The following HNRNPA3 variants were observed in gnomAD, a reference collection of about 807,000 sequenced individuals.
HNRNPA3 encodes heterogeneous nuclear ribonucleoprotein A3, also known as epididymis secretory sperm binding protein.
Under a neutral mutation model 45.8 loss-of-function variants are expected in HNRNPA3, and 3 were observed. The ratio of observed to expected loss-of-function variants is 0.07; its 90% CI spans 0.03 to 0.17. HNRNPA3 has a LOEUF of 0.17. Ranked by LOEUF, HNRNPA3 falls within the 10% of genes least tolerant of loss-of-function variation. HNRNPA3 has a pLI of 1.00. For synonymous variants in HNRNPA3, 170 were observed against 155.6 expected (o/e 1.09, Z -0.69); for missense variants, 183 against 480.3 (o/e 0.38, Z 5.79).
chr2:177,218,770 T>C (rs1046847976), intron 8 of HNRNPA3, among the ~76,000 whole-genome samples: 5 of 152,256 alleles, frequency 3.3e-5, no homozygotes, highest in Admixed American at 6.5e-5. Flanking sequence ...TTAAATGTTA[T>C]ACTGCTTCAG....
chr2:177,216,210 C>A lies in HNRNPA3; in HGVS notation c.553+22C>A, dbSNP rs767938864. 4.1e-6 allele frequency: 6 copies of A among 1,449,132 alleles called. No individual in the cohort carries two copies. In the South Asian group the frequency reaches 7.1e-5, roughly 17 times the overall value. The allele number at this position is 1,449,132 out of a possible 1,614,324, so 89.8% of individuals were successfully genotyped here. On this transcript the variant is annotated intron_variant, in intron 4 of 10. Coordinates refer to ENST00000392524, the Ensembl canonical transcript of HNRNPA3. ...GTTGGTAAGTAGCAATTTATGGTAA[C>A]TTGAATGAGAAAGTAGAACTGGTTT...
intron 8 of HNRNPA3, among the ~76,000 whole-genome samples, 176 bp from the exon 9 acceptor site, chr2:177,218,861 T>C (rs1574245536): frequency 6.6e-6 from 1 of 152,236 alleles, no homozygotes. Context: ...GCATTTAATA[T>C]AAACAAAATG....
downstream of HNRNPA3, chr2:177,222,572 CTG>C (rs1689229563): frequency 1.3e-5 from 2 of 152,322 alleles, no homozygotes; most frequent in Admixed American, 1.3e-4. Context: ...CTTTGGGAGG[CTG>C]AGGCAGATGG....
At chr2:177,221,203 T>G (rs1190364082), downstream of HNRNPA3, 7 of 152,648 alleles carry the variant, frequency 4.6e-5, no homozygotes, top group Non-Finnish European at 1.0e-4. Context: ...TAGGCTAATA[T>G]TAGAAAATGG....
intron 1 of HNRNPA3, among the ~76,000 whole-genome samples, chr2:177,213,328 C>T (rs911336370): frequency 2.6e-5 from 4 of 152,238 alleles, no homozygotes; most frequent in South Asian, 2.1e-4. Flanking sequence ...CCGCCTCGCT[C>T]TGCCGCCGGG....
chr2:177,219,248 T>A (rs1427498734), exon 10 of HNRNPA3: 1 of 1,613,422 alleles, frequency 6.2e-7, no homozygotes, highest in Non-Finnish European at 8.5e-7. Context: ...TATTTTCAGG[T>A]GGTTATGGAT....
intron 1 of HNRNPA3, among the ~76,000 whole-genome samples, chr2:177,214,046 GGAAGACATTA>G (rs1307080176): frequency 1.4e-4 from 22 of 152,198 alleles, no homozygotes; most frequent in Non-Finnish European, 3.1e-4. Flanking sequence ...AGGAGACACA[GGAAGACATTA>G]GAATGTAAAT....
chr2:177,219,202 T>TA (rs760190824), intron 9 of HNRNPA3, 43 bp downstream of exon 9: 3 of 1,609,852 alleles, frequency 1.9e-6, no homozygotes, highest in Non-Finnish European at 2.5e-6. Flanking sequence ...CTTTTTAATT[T>TA]AAAAAATGTG....
chr2:177,222,660 T>C (rs145308314), downstream of HNRNPA3: 103 of 152,322 alleles, frequency 6.8e-4, no homozygotes, highest in African/African-American at 2.4e-3. Context: ...AAAAATTAGT[T>C]GGGCTTGGTG....
At chr2:177,220,236 C>T, downstream of HNRNPA3, 1 of 152,544 alleles carries the variant, frequency 6.6e-6, no homozygotes, top group East Asian at 1.9e-4. Flanking sequence ...TCTACATTTA[C>T]CTTGGTCAAA....
intron 9 of HNRNPA3, 28 bp downstream of exon 9, chr2:177,219,187 A>T: frequency 6.2e-7 from 1 of 1,611,044 alleles, no homozygotes; most frequent in Non-Finnish European, 8.5e-7. Flanking sequence ...TCAATTCTTT[A>T]GAGCCTTTTT....
chr2:177,213,191 G>A (rs1688760469), intron 1 of HNRNPA3, among the ~76,000 whole-genome samples: 2 of 152,080 alleles, frequency 1.3e-5, no homozygotes, highest in South Asian at 4.1e-4. Flanking sequence ...GGAGCGGTTG[G>A]GAGGAGGTGG....
chr2:177,217,628 TACAC>T (rs763233106), intron 7 of HNRNPA3, 73 bp from the exon 8 acceptor site: 15 of 1,570,066 alleles, frequency 9.6e-6, no homozygotes, highest in African/African-American at 1.4e-5. Flanking sequence ...CCCAGTCTCT[TACAC>T]ACACACCAGA....
At chr2:177,222,192 C>T (rs1344118418), downstream of HNRNPA3, 2 of 152,574 alleles carry the variant, frequency 1.3e-5, no homozygotes, top group Non-Finnish European at 2.9e-5. Context: ...TGCAAGTCTA[C>T]ATTACATATT....
chr2:177,213,863 G>T (rs943929549), intron 1 of HNRNPA3, among the ~76,000 whole-genome samples: 1 of 152,342 alleles, frequency 6.6e-6, no homozygotes, highest in Admixed American at 6.5e-5. Context: ...CGTTTTTGCA[G>T]TACATTTAAT....
exon 6 of HNRNPA3, chr2:177,216,703 T>C (rs773759177): frequency 1.2e-6 from 2 of 1,614,224 alleles, no homozygotes; most frequent in Non-Finnish European, 1.7e-6. Flanking sequence ...GGCAATTTTA[T>C]GGGTCGCGGA....
chr2:177,218,000 G>A (rs1431399429), intron 8 of HNRNPA3, among the ~76,000 whole-genome samples, 155 bp downstream of exon 8: 2 of 149,762 alleles, frequency 1.3e-5, no homozygotes, highest in Non-Finnish European at 3.0e-5. Flanking sequence ...AAATTTTCTT[G>A]ACTTTGCTGG....
downstream of HNRNPA3, chr2:177,223,003 G>C (rs1038173239): frequency 6.6e-6 from 1 of 152,578 alleles, no homozygotes; most frequent in African/African-American, 2.4e-5. Context: ...GGTTGTTGAT[G>C]GGTAATAAGG....
At position 177,216,791 on chromosome 2, in the gene HNRNPA3, A is replaced by G; in HGVS notation, c.739+20A>G. The stretch of plus-strand genomic sequence containing the variant: ...GAAGAGGTAGGCTGTTTATCTTCTA[A>G]GTACATGGATACCTGACATTTTGGT... On this transcript the variant is annotated intron_variant, in intron 6 of 10. Coordinates refer to ENST00000392524, the Ensembl canonical transcript of HNRNPA3. 6.2e-7 allele frequency: 1 copy of G among 1,614,024 alleles called. No individual in the cohort carries two copies. Among genetic ancestry groups the G allele is most frequent in the South Asian group, 1.1e-5 (1 of 91,080 alleles).
Sources: allele counts gnomAD v4.1 joint callset (sites outside exome capture counted in the v4.1 genomes callset), GRCh38; gene constraint gnomAD v4.1.1; transcripts MANE v1.5; gene names NCBI Gene and HGNC (gene_info 2026-07-23, HGNC 2026-07-21).